Variants in PPP1R12B observed in about 807,000 individuals in gnomAD.
The protein encoded by PPP1R12B is protein phosphatase 1 regulatory subunit 12B, also known as myosin phosphatase target subunit 2.
A neutral mutation model predicts 126.1 loss-of-function variants in PPP1R12B; 76 were observed. The observed-to-expected ratio is 0.60, with a 90% CI of 0.50 to 0.73. The LOEUF (loss-of-function observed/expected upper bound fraction) is 0.73, where lower values mean the gene tolerates loss of function less well. Ranked by LOEUF, PPP1R12B falls within the 30% of genes least tolerant of loss-of-function variation. The pLI, the probability that PPP1R12B is intolerant of heterozygous loss-of-function variation, is 0.00. For synonymous variants in PPP1R12B, 356 were observed against 434.7 expected, an observed-to-expected ratio of 0.82 and a Z score of 2.25; for missense variants, 1,052 against 1,205.1, an observed-to-expected ratio of 0.87 and a Z score of 1.88.
chr1:202,405,412 A>G (rs1458070771), intron 1 of PPP1R12B, among the ~76,000 whole-genome samples: 2 of 152,214 alleles, frequency 1.3e-5, no homozygotes, highest in South Asian at 2.1e-4. Flanking sequence ...TTTAAGTATA[A>G]CATTACTTAT....
At chr1:202,374,451 C>T (rs1231337415) in intron 1 of PPP1R12B, among the ~76,000 whole-genome samples, 1 of 150,592 alleles carries the variant, frequency 6.6e-6, no homozygotes, top group African/African-American at 2.4e-5. Context: ...GATCATACCT[C>T]CTATATGTTA....
chr1:202,506,951 A>T (rs1389463501), intron 18 of PPP1R12B, among the ~76,000 whole-genome samples: 2 of 152,192 alleles, frequency 1.3e-5, no homozygotes, highest in African/African-American at 4.8e-5. Flanking sequence ...GAGATGCTAG[A>T]TATCCTAAAA....
At chr1:202,389,226 C>T (rs1663668003) in intron 1 of PPP1R12B, among the ~76,000 whole-genome samples, 2 of 152,040 alleles carry the variant, frequency 1.3e-5, no homozygotes, top group Admixed American at 1.3e-4. Flanking sequence ...TAAAATGAAA[C>T]TCAGAACTTT....
At chr1:202,505,957 T>G (rs1275106223) in intron 18 of PPP1R12B, among the ~76,000 whole-genome samples, 2 of 152,184 alleles carry the variant, frequency 1.3e-5, no homozygotes, top group Non-Finnish European at 2.9e-5. Context: ...GATATAAAAG[T>G]AAGGGTAAAC....
intron 18 of PPP1R12B, among the ~76,000 whole-genome samples, chr1:202,521,847 A>G (rs1682823091): frequency 6.6e-6 from 1 of 152,250 alleles, no homozygotes; most frequent in Admixed American, 6.5e-5. Flanking sequence ...AGTCTTCAAA[A>G]TAGAAAATGC....
chr1:202,478,859 T>A (rs1176617438), intron 13 of PPP1R12B, among the ~76,000 whole-genome samples: 1 of 152,246 alleles, frequency 6.6e-6, no homozygotes, highest in Non-Finnish European at 1.5e-5. Flanking sequence ...TTATGAGCTC[T>A]GTTTCTCTCA....
chr1:202,487,693 C>T (rs115876272), intron 13 of PPP1R12B, among the ~76,000 whole-genome samples: 3,576 of 151,970 alleles, frequency 0.024, 65 homozygotes, highest in Non-Finnish European at 0.035. Flanking sequence ...ACTGCAACCT[C>T]GGCCTCCAAG....
chr1:202,536,174 G>A (rs1279743501), intron 18 of PPP1R12B, among the ~76,000 whole-genome samples: 5 of 152,106 alleles, frequency 3.3e-5, no homozygotes, highest in Admixed American at 6.5e-5. Flanking sequence ...GTCCCTTAAC[G>A]ACAGGGATAC....
chr1:202,370,838 G>C (rs1257217826), intron 1 of PPP1R12B, among the ~76,000 whole-genome samples: 2 of 151,728 alleles, frequency 1.3e-5, no homozygotes. Flanking sequence ...GTGCCCGGCT[G>C]AGAATGTAAA....
chr1:202,360,071 A>G (rs1462983102), intron 1 of PPP1R12B, among the ~76,000 whole-genome samples: 1 of 152,120 alleles, frequency 6.6e-6, no homozygotes, highest in Non-Finnish European at 1.5e-5. Flanking sequence ...GAGTTTCTCT[A>G]CAACCTAGAT....
Position 202,467,498 on chromosome 1 carries a change from G to A in PPP1R12B, c.1850+18327G>A, listed in dbSNP as rs565910475. Among the ~76,000 whole-genome samples, 1,080 of 152,062 alleles carry A rather than the reference G, an allele frequency of 7.1e-3. 17 individuals are homozygous for A. Among genetic ancestry groups the A allele is most frequent in the African/African-American group, 0.024 (1,012 of 41,438 alleles). ...TGTTTGGTTTTTTGTCCTTGTGATA[G>A]TTTGCTGAGAATGATGATTTCCAGC... On this transcript the variant is annotated intron_variant, in intron 13 of 23. Coordinates refer to ENST00000608999, the MANE Select transcript of PPP1R12B (RefSeq NM_002481.4).
chr1:202,517,331 C>T (rs1434928784), intron 18 of PPP1R12B, among the ~76,000 whole-genome samples: 1 of 152,158 alleles, frequency 6.6e-6, no homozygotes, highest in Non-Finnish European at 1.5e-5. Flanking sequence ...GAACTGAGAA[C>T]TCTAGCCTCC....
chr1:202,445,291 T>G, intron 12 of PPP1R12B: 22 of 1,177,648 alleles, frequency 1.9e-5, no homozygotes, highest in Non-Finnish European at 2.3e-5. Context: ...AAAACACATA[T>G]GAAATTTGAA....
chr1:202,515,554 C>CT (rs1053357752), intron 18 of PPP1R12B, among the ~76,000 whole-genome samples: 56 of 152,048 alleles, frequency 3.7e-4, no homozygotes, highest in Non-Finnish European at 6.3e-4. Context: ...GTCCATATAT[C>CT]TTTTTTTTGT....
intron 18 of PPP1R12B, among the ~76,000 whole-genome samples, chr1:202,504,133 G>C (rs1472334967): frequency 6.6e-6 from 1 of 152,038 alleles, no homozygotes; most frequent in Admixed American, 6.6e-5. Flanking sequence ...AGTGGCTCAC[G>C]CGTGTAATCC....
intron 23 of PPP1R12B, among the ~76,000 whole-genome samples, chr1:202,570,305 A>G (rs1285702791): frequency 6.9e-6 from 1 of 144,758 alleles, no homozygotes; most frequent in Admixed American, 6.9e-5. Context: ...TTATTTATTG[A>G]AAAAAAAAAA....
intron 1 of PPP1R12B, among the ~76,000 whole-genome samples, chr1:202,385,732 C>T (rs1313269669): frequency 6.6e-6 from 1 of 152,164 alleles, no homozygotes; most frequent in African/African-American, 2.4e-5. Context: ...CATACAATAA[C>T]TGTCACATTT....
chr1:202,423,750 C>G (rs1046459636), intron 3 of PPP1R12B, among the ~76,000 whole-genome samples: 1 of 152,140 alleles, frequency 6.6e-6, no homozygotes, highest in Admixed American at 6.5e-5. Flanking sequence ...GTGGTGCCGT[C>G]TCAGCTCATT....
At chr1:202,481,240 G>A (rs1294241646) in intron 13 of PPP1R12B, among the ~76,000 whole-genome samples, 1 of 152,190 alleles carries the variant, frequency 6.6e-6, no homozygotes, top group Non-Finnish European at 1.5e-5. Context: ...CAGCCCGGGG[G>A]TTGGGGACCC....
Sources: allele counts gnomAD v4.1 joint callset (sites outside exome capture counted in the v4.1 genomes callset), GRCh38; gene constraint gnomAD v4.1.1; transcripts MANE v1.5; gene names NCBI Gene and HGNC (gene_info 2026-07-23, HGNC 2026-07-21).